Variants in ADD2 observed in about 807,000 individuals in gnomAD.
The protein encoded by ADD2 is beta-adducin.
Under a neutral mutation model 83.0 loss-of-function variants are expected in ADD2, and 23 were observed. The ratio of observed to expected loss-of-function variants is 0.28; its 90% CI spans 0.20 to 0.39. The LOEUF (loss-of-function observed/expected upper bound fraction) is 0.39, where lower values mean the gene tolerates loss of function less well. Ranked by LOEUF, ADD2 falls within the 10% of genes least tolerant of loss-of-function variation. The pLI is 1.00. For missense variants in ADD2, 758 were observed against 944.9 expected, an observed-to-expected ratio of 0.80 and a Z score of 2.59; for synonymous variants, 375 against 375.4, an observed-to-expected ratio of 1.00 and a Z score of 0.01.
chr2:70,724,792 A>G (rs939105478), intron 1 of ADD2, among the ~76,000 whole-genome samples: 1 of 152,210 alleles, frequency 6.6e-6, no homozygotes, highest in Non-Finnish European at 1.5e-5. Flanking sequence ...TCTACATCCT[A>G]CACATGCCAA....
chr2:70,725,365 A>C (rs903799851), intron 1 of ADD2, among the ~76,000 whole-genome samples: 4 of 152,146 alleles, frequency 2.6e-5, no homozygotes, highest in African/African-American at 9.7e-5. Flanking sequence ...TTCCAAGGGA[A>C]TCTGTATTGG....
intron 1 of ADD2, among the ~76,000 whole-genome samples, chr2:70,749,129 C>T (rs1463374074): frequency 2.6e-5 from 4 of 152,114 alleles, no homozygotes; most frequent in Non-Finnish European, 5.9e-5. Flanking sequence ...CAGAAGACAC[C>T]TCTTCACAAG....
At chr2:70,667,500 C>T (rs1234002937) in intron 15 of ADD2, among the ~76,000 whole-genome samples, 1 of 152,190 alleles carries the variant, frequency 6.6e-6, no homozygotes, top group Non-Finnish European at 1.5e-5. Context: ...CTGGCTGTGT[C>T]TTGGCCACCA....
chr2:70,705,171 A>G (rs1263163892), intron 3 of ADD2, among the ~76,000 whole-genome samples: 1 of 151,652 alleles, frequency 6.6e-6, no homozygotes, highest in African/African-American at 2.4e-5. Context: ...CCCCCTTGCC[A>G]CCCCTCCTAG....
At chr2:70,670,290 T>C (rs1553366849) in intron 15 of ADD2, among the ~76,000 whole-genome samples, 1 of 152,240 alleles carries the variant, frequency 6.6e-6, no homozygotes. Context: ...GCTCATTTTA[T>C]CCTGACAACA....
chr2:70,751,515 G>C (rs550033182), intron 1 of ADD2, among the ~76,000 whole-genome samples: 1 of 152,284 alleles, frequency 6.6e-6, no homozygotes, highest in East Asian at 1.9e-4. Context: ...GGACAAAAAT[G>C]AATGTATCTC....
At chr2:70,752,361 TC>T (rs1674549748) in intron 1 of ADD2, among the ~76,000 whole-genome samples, 1 of 152,236 alleles carries the variant, frequency 6.6e-6, no homozygotes, top group Non-Finnish European at 1.5e-5. Context: ...TGTCCACTTT[TC>T]TTATCCAAGA....
chr2:70,758,278 T>C (rs1206324659), intron 1 of ADD2, among the ~76,000 whole-genome samples: 1 of 152,208 alleles, frequency 6.6e-6, no homozygotes, highest in Non-Finnish European at 1.5e-5. Flanking sequence ...TCCATGCTGC[T>C]CCATATGTCA....
rs782622736 is a variant in ADD2 at position 70,690,828 on chromosome 2, G to C, written c.807C>G (p.Ala269=). ...GGCACTTCTGCAGGTTGATCCGATC[G>C]GCTTCCTGCTCCATTTCCCCATTGA... is the stretch of plus-strand genomic sequence containing the variant. ...YDFNGEMEQE[A]DRINLQKCLG... Residue 269 remains alanine (A), a synonymous_variant, in exon 8 of 16, where the codon GCC becomes GCG. Transcript: ENST00000264436. The C allele has an allele frequency of 1.2e-6, 2 of 1,614,098 alleles. No individual in the cohort carries two copies. The highest frequency in any genetic ancestry group is 8.5e-7 in the Non-Finnish European group (1 of 1,180,022).
intron 1 of ADD2, among the ~76,000 whole-genome samples, chr2:70,755,243 C>T (rs1478091959): frequency 2.6e-5 from 4 of 152,228 alleles, no homozygotes; most frequent in Non-Finnish European, 5.9e-5. Flanking sequence ...CTGACTCCCT[C>T]TTCGCTCCAC....
chr2:70,723,798 T>C (rs1446471643), intron 1 of ADD2, among the ~76,000 whole-genome samples: 1 of 152,128 alleles, frequency 6.6e-6, no homozygotes, highest in East Asian at 1.9e-4. Context: ...AGGATCTTCT[T>C]TGAGCTTGGA....
chr2:70,663,342 G>A lies in ADD2; in HGVS notation c.*83C>T. 2 of 1,434,144 alleles carry A rather than the reference G, an allele frequency of 1.4e-6. No homozygotes were observed. Among genetic ancestry groups the A allele is most frequent in the East Asian group, 2.3e-5 (1 of 44,018 alleles). 88.8% of individuals were successfully genotyped at this position (1,434,144 alleles called of 1,614,324 possible). ...CAGGGTCCTACTCTATCCCTCCTTA[G>A]CCCTGTGCTTGCAGGGACAGAGATG... On this transcript the variant is annotated 3_prime_UTR_variant, in exon 16 of 16. Coordinates refer to ENST00000264436, the MANE Select transcript of ADD2 (RefSeq NM_001617.4).
chr2:70,728,540 T>G (rs1673124999), intron 1 of ADD2, among the ~76,000 whole-genome samples: 2 of 152,224 alleles, frequency 1.3e-5, no homozygotes, highest in Non-Finnish European at 2.9e-5. Context: ...TCAATCCAGT[T>G]TGACAGGTAT....
chr2:70,738,334 C>T (rs1673695150), intron 1 of ADD2, among the ~76,000 whole-genome samples: 1 of 152,114 alleles, frequency 6.6e-6, no homozygotes, highest in Admixed American at 6.5e-5. Flanking sequence ...TGAAGACTGA[C>T]AATTAGCCTA....
At chr2:70,749,771 A>T (rs1553382615) in intron 1 of ADD2, among the ~76,000 whole-genome samples, 1 of 152,184 alleles carries the variant, frequency 6.6e-6, no homozygotes, top group Non-Finnish European at 1.5e-5. Context: ...CAGGATAAAA[A>T]ATACCACCTG....
At chr2:70,750,561 A>G (rs1674458701) in intron 1 of ADD2, among the ~76,000 whole-genome samples, 1 of 152,174 alleles carries the variant, frequency 6.6e-6, no homozygotes, top group South Asian at 2.1e-4. Flanking sequence ...AGAGGTAGAG[A>G]CTGGATTGAT....
rs782385529 is a variant in ADD2, at chr2:70,663,536, G to A, written c.2070C>T (p.Gly690=). 4.3e-6 allele frequency: 7 copies of A among 1,614,002 alleles called. No individual in the cohort carries two copies. The highest frequency in any genetic ancestry group is 5.9e-6 in the Non-Finnish European group (7 of 1,180,018). ...AAGGTGAGCCCTCTGGGGACATGGG[G>A]CCGCTGGTGACCGACTCGGTTTTGT... is the stretch of plus-strand genomic sequence containing the variant. ...SKDKTESVTS[G]PMSPEGSPSK... Residue 690 remains glycine, a synonymous_variant, in exon 16 of 16, where the codon GGC becomes GGT. Coordinates refer to ENST00000264436, the MANE Select transcript of ADD2 (RefSeq NM_001617.4).
At chr2:70,742,834 G>A (rs1553381350) in intron 1 of ADD2, among the ~76,000 whole-genome samples, 1 of 152,068 alleles carries the variant, frequency 6.6e-6, no homozygotes, top group Non-Finnish European at 1.5e-5. Context: ...TACAAATGAG[G>A]TCCCTGGCTA....
At chr2:70,767,759 G>A in intron 1 of ADD2, 127 bp downstream of exon 1, 4 of 1,452,830 alleles carry the variant, frequency 2.8e-6, no homozygotes, top group South Asian at 2.8e-5. Flanking sequence ...CAGCACCGAC[G>A]CGCTCGGCAA....
Sources: gnomAD v4.1 joint callset for allele counts (sites outside exome capture counted in the v4.1 genomes callset) on GRCh38, gnomAD v4.1.1 for gene constraint, MANE v1.5 for transcripts, NCBI Gene and HGNC (gene_info 2026-07-23, HGNC 2026-07-21) for gene names.